Variants in KLHL15 observed in about 807,000 individuals in gnomAD.
KLHL15 encodes the protein kelch-like protein 15.
KLHL15 carries 1 observed loss-of-function variant against 29.3 expected under a neutral mutation model. That is an observed-to-expected ratio of 0.03 (90% CI 0.01 to 0.16). The LOEUF (loss-of-function observed/expected upper bound fraction) is 0.16. Among genes scored for constraint, KLHL15 ranks in the 10% least tolerant of loss-of-function variants. The pLI is 1.00. For missense variants in KLHL15, 215 were observed against 478.5 expected (o/e 0.45, Z 5.14); for synonymous variants, 212 against 184.5 (o/e 1.15, Z -1.21).
At chrX:24,008,884 C>CA (rs1230847970) in intron 2 of KLHL15, among the ~76,000 whole-genome samples, 29 of 98,764 alleles carry the variant, frequency 2.9e-4, no homozygotes, top group South Asian at 2.8e-3. Context: ...AAAAAAAAAA[C>CA]AAAACAAAAA....
intron 2 of KLHL15, among the ~76,000 whole-genome samples, chrX:24,007,508 A>AATATATATAT (rs759758947): frequency 7.5e-4 from 27 of 35,913 alleles, no homozygotes; most frequent in African/African-American, 3.5e-3. Flanking sequence ...AAAAAAAAAA[A>AATATATATAT]ATATATATAT....
chrX:24,002,574 T>C (rs1204682388), intron 3 of KLHL15, among the ~76,000 whole-genome samples: 4 of 111,162 alleles, frequency 3.6e-5, no homozygotes, highest in African/African-American at 1.3e-4. Context: ...TATATGTATT[T>C]TTCAGTGCCA....
intron 2 of KLHL15, among the ~76,000 whole-genome samples, chrX:24,009,696 A>G (rs1929534294): frequency 1.0e-5 from 1 of 98,346 alleles, no homozygotes; most frequent in East Asian, 3.0e-4. Context: ...CAAAAAAAAA[A>G]AAAAAAAAAA....
chrX:23,989,199 T>G (rs1209590244), intron 3 of KLHL15, among the ~76,000 whole-genome samples, 169 bp from the exon 4 acceptor site: 1 of 110,007 alleles, frequency 9.1e-6, no homozygotes, highest in African/African-American at 3.3e-5. Context: ...AAATCTTTTT[T>G]TTTTTTTTGG....
chrX:24,026,139 C>T (rs1027178733), intron 1 of KLHL15, among the ~76,000 whole-genome samples: 2 of 112,160 alleles, frequency 1.8e-5, no homozygotes, highest in Non-Finnish European at 3.8e-5. Flanking sequence ...AGGCAACTTG[C>T]AGTGGACTAT....
intron 3 of KLHL15, among the ~76,000 whole-genome samples, chrX:23,991,353 CA>C (rs35278201): frequency 0.25 from 13,842 of 55,314 alleles, 1,132 homozygotes; most frequent in South Asian, 0.61. Flanking sequence ...AACTCTGTCT[CA>C]AAAAAAAAAA....
intron 3 of KLHL15, among the ~76,000 whole-genome samples, chrX:23,998,498 C>G (rs777082148): frequency 4.5e-5 from 5 of 111,657 alleles, no homozygotes; most frequent in Non-Finnish European, 9.4e-5. Context: ...AACTCGTGAT[C>G]TGCCCGCCTC....
intron 2 of KLHL15, among the ~76,000 whole-genome samples, chrX:24,022,813 G>C (rs1015952392): frequency 9.4e-6 from 1 of 105,887 alleles, no homozygotes; most frequent in African/African-American, 3.5e-5. Context: ...TCTGCCTACC[G>C]GGTTCAAGCG....
intron 2 of KLHL15, among the ~76,000 whole-genome samples, chrX:24,021,816 T>C (rs756430571): frequency 9.1e-6 from 1 of 109,436 alleles, no homozygotes; most frequent in Non-Finnish European, 1.9e-5. Flanking sequence ...CATCTTTCAT[T>C]TCTCTTCAAT....
chrX:23,991,986 A>G (rs899725000), intron 3 of KLHL15, among the ~76,000 whole-genome samples: 2 of 112,381 alleles, frequency 1.8e-5, no homozygotes, highest in African/African-American at 6.5e-5. Flanking sequence ...GAAGGGCAAT[A>G]CTCTGAAAAT....
chrX:24,023,031 G>A (rs1929845798), intron 2 of KLHL15, among the ~76,000 whole-genome samples: 1 of 111,584 alleles, frequency 9.0e-6, no homozygotes, highest in African/African-American at 3.3e-5. Context: ...CACCGCTCCC[G>A]GCTCTCAGTG....
Position 23,986,062 on chromosome X carries a change from A to T in KLHL15, c.*1859T>A, listed in dbSNP as rs949809395. 9.0e-6 allele frequency: 1 copy of T among 110,895 alleles called. No homozygotes were observed. The allele number at this position is 110,895 out of a possible 1,213,427, so 9.1% of individuals were successfully genotyped here. The stretch of plus-strand genomic sequence containing the variant: ...TGAAAATATAAGTCTCATATATAAA[A>T]TAAGATTATTATTGATTTTTGAAAT... On this transcript the variant is annotated 3_prime_UTR_variant, in exon 4 of 4. Transcript: ENST00000328046.
chrX:23,999,573 C>T (rs1047776483), intron 3 of KLHL15, among the ~76,000 whole-genome samples: 18 of 85,364 alleles, frequency 2.1e-4, no homozygotes, highest in Admixed American at 7.4e-4. Context: ...CCTGCCTGGG[C>T]GAAAGAGCGA....
intron 3 of KLHL15, 138 bp from the exon 4 acceptor site, chrX:23,989,168 G>T: frequency 3.2e-5 from 15 of 461,583 alleles, no homozygotes; most frequent in South Asian, 9.6e-5. Context: ...ACTTTCTTTT[G>T]TTTTCTACAA....
intron 2 of KLHL15, among the ~76,000 whole-genome samples, chrX:24,012,673 C>T (rs1302133759): frequency 8.9e-6 from 1 of 111,779 alleles, no homozygotes; most frequent in African/African-American, 3.2e-5. Context: ...GCCTAGGAGA[C>T]AATTCTGGGT....
chrX:24,016,559 C>T (rs1444455184), intron 2 of KLHL15, among the ~76,000 whole-genome samples: 1 of 106,410 alleles, frequency 9.4e-6, no homozygotes. Context: ...CCCAGCTAGT[C>T]GGGAGGTTGA....
At chrX:24,024,810 G>A in intron 2 of KLHL15, 47 bp downstream of exon 2, 3 of 297,537 alleles carry the variant, frequency 1.0e-5, no homozygotes, top group East Asian at 9.5e-5. Context: ...CGGGGCCGCG[G>A]GCGAAGCCCG....
chrX:23,997,879 C>T (rs1170909925), intron 3 of KLHL15, among the ~76,000 whole-genome samples: 1 of 108,824 alleles, frequency 9.2e-6, no homozygotes, highest in Non-Finnish European at 1.9e-5. Context: ...AGGAGACCAG[C>T]CAGGAGTTGA....
chrX:24,023,547 G>A (rs1262838119), intron 2 of KLHL15, among the ~76,000 whole-genome samples: 1 of 111,476 alleles, frequency 9.0e-6, no homozygotes, highest in Non-Finnish European at 1.9e-5. Context: ...CACTTTTTGT[G>A]GACCATTTAA....
Sources: allele counts gnomAD v4.1 joint callset (sites outside exome capture counted in the v4.1 genomes callset), GRCh38; gene constraint gnomAD v4.1.1; transcripts MANE v1.5; gene names NCBI Gene and HGNC (gene_info 2026-07-23, HGNC 2026-07-21).